The following ATG4C variants were observed in gnomAD, a reference collection of about 807,000 sequenced individuals.
ATG4C encodes the protein cysteine protease ATG4C.
ATG4C carries 56 observed loss-of-function variants against 57.6 expected under a neutral mutation model. The observed-to-expected ratio is 0.97, with a 90% confidence interval of 0.78 to 1.21. The LOEUF (loss-of-function observed/expected upper bound fraction) is 1.21. Among genes scored for constraint, ATG4C ranks in the 50% most tolerant of loss-of-function variants. The pLI is 0.00. For synonymous variants in ATG4C, 157 were observed against 174.1 expected (o/e 0.90, Z 0.78); for missense variants, 595 against 529.8 (o/e 1.12, Z -1.21).
At chr1:62,828,279 T>C (rs12085401) in intron 6 of ATG4C, among the ~76,000 whole-genome samples, 28,317 of 152,094 alleles carry the variant, frequency 0.19, 3,004 homozygotes, top group African/African-American at 0.27. Flanking sequence ...GGTGTATGAG[T>C]ATTCCCTTTT....
chr1:62,806,738 T>C (rs941507386), intron 3 of ATG4C, among the ~76,000 whole-genome samples: 42 of 152,156 alleles, frequency 2.8e-4, no homozygotes, highest in African/African-American at 9.9e-4. Flanking sequence ...TTATTGTCCC[T>C]GATCTTCAGT....
At chr1:62,824,669 CTTTT>C (rs397862637) in intron 6 of ATG4C, among the ~76,000 whole-genome samples, 4 of 135,482 alleles carry the variant, frequency 3.0e-5, no homozygotes, top group Admixed American at 7.5e-5. Flanking sequence ...CTCTCTCTCT[CTTTT>C]TTTTTTTTTT....
chr1:62,803,148 AATTT>A (rs1664738652), intron 1 of ATG4C, among the ~76,000 whole-genome samples: 1 of 152,202 alleles, frequency 6.6e-6, no homozygotes, highest in Admixed American at 6.5e-5. Context: ...TTCCGTTATA[AATTT>A]AAGCCGTTCT....
Position 62,793,614 on chromosome 1 carries a change from A to AC in ATG4C, c.-69+9341_-69+9342insC, listed in dbSNP as rs1299432278. On this transcript the variant is annotated intron_variant, in intron 1 of 10. Coordinates refer to ENST00000317868, the MANE Select transcript of ATG4C (RefSeq NM_032852.4). ...CTTGTCTCGAAAAAAAAAAAAAAAA[A>AC]AAAAAACCAAAAAAACAAACAAAAA... 2.0e-5 allele frequency among the ~76,000 whole-genome samples: 3 copies of AC among 147,936 alleles called. No homozygotes were observed. In the Admixed American group the frequency reaches 2.1e-4, roughly 10 times the overall value.
intron 10 of ATG4C, among the ~76,000 whole-genome samples, chr1:62,843,203 C>G (rs1572160237): frequency 6.6e-6 from 1 of 151,574 alleles, no homozygotes; most frequent in African/African-American, 2.4e-5. Flanking sequence ...ATTAAAGACA[C>G]TTATGGCTTT....
intron 3 of ATG4C, among the ~76,000 whole-genome samples, chr1:62,810,284 C>T (rs1369629990): frequency 2.0e-5 from 3 of 152,196 alleles, no homozygotes; most frequent in East Asian, 3.8e-4. Flanking sequence ...AAGAAACTTA[C>T]AGTCCAACAG....
chr1:62,828,064 A>C (rs1665723683), intron 6 of ATG4C, among the ~76,000 whole-genome samples: 1 of 152,052 alleles, frequency 6.6e-6, no homozygotes, highest in Admixed American at 6.6e-5. Context: ...ATGGGCACTT[A>C]GGTTGATTCT....
intron 6 of ATG4C, among the ~76,000 whole-genome samples, chr1:62,823,262 G>A (rs775580747): frequency 6.6e-6 from 1 of 152,142 alleles, no homozygotes; most frequent in Admixed American, 6.5e-5. Context: ...AATTCAGCAC[G>A]TTTAAAAGTA....
chr1:62,802,436 C>T (rs564322698), intron 1 of ATG4C, among the ~76,000 whole-genome samples: 2 of 150,006 alleles, frequency 1.3e-5, no homozygotes, highest in South Asian at 4.2e-4. Context: ...TAACGATCCT[C>T]AACTAGTAAG....
Position 62,789,454 on chromosome 1 carries a change from C to T in ATG4C, c.-69+5181C>T, listed in dbSNP as rs72669548. ...AGCCTCACCTTGTAAATTTCCTGCT[C>T]AATACATGGAATCAGCCATTTTACC... On this transcript the variant is annotated intron_variant, in intron 1 of 10. Coordinates refer to ENST00000317868, the MANE Select transcript of ATG4C (RefSeq NM_032852.4). Among the ~76,000 whole-genome samples, 367 of 152,262 alleles carry T rather than the reference C, an allele frequency of 2.4e-3. 1 individual carries two copies. The highest frequency in any genetic ancestry group is 3.5e-3 in the South Asian group (17 of 4,828).
At chr1:62,801,049 G>A (rs10493328) in intron 1 of ATG4C, among the ~76,000 whole-genome samples, 22,032 of 152,136 alleles carry the variant, frequency 0.14, 1,691 homozygotes, top group South Asian at 0.2. Context: ...TGAGGTACCA[G>A]ATAACATACC....
chr1:62,802,355 ACC>A (rs1190715944), intron 1 of ATG4C, among the ~76,000 whole-genome samples: 1 of 151,968 alleles, frequency 6.6e-6, no homozygotes. Context: ...AGGATCTGTA[ACC>A]TCTTGAGTGC....
intron 10 of ATG4C, among the ~76,000 whole-genome samples, chr1:62,856,130 C>G (rs1428920320): frequency 6.6e-6 from 1 of 152,176 alleles, no homozygotes; most frequent in African/African-American, 2.4e-5. Flanking sequence ...CAGTGGTACA[C>G]AGTTTCCCAT....
chr1:62,789,845 T>A (rs1423079546), intron 1 of ATG4C, among the ~76,000 whole-genome samples: 1 of 151,566 alleles, frequency 6.6e-6, no homozygotes, highest in Non-Finnish European at 1.5e-5. Flanking sequence ...GAAATGAAGA[T>A]CTGGGTATTG....
intron 10 of ATG4C, among the ~76,000 whole-genome samples, chr1:62,860,326 TAAA>T: frequency 6.6e-6 from 1 of 152,332 alleles, no homozygotes; most frequent in South Asian, 2.1e-4. Context: ...TCTAAAATAA[TAAA>T]AAATTGTATA....
chr1:62,818,128 A>G (rs966307770), intron 4 of ATG4C, among the ~76,000 whole-genome samples: 6 of 152,162 alleles, frequency 3.9e-5, no homozygotes, highest in African/African-American at 1.2e-4. Flanking sequence ...TTGTTATTCA[A>G]AACAGTGACA....
intron 3 of ATG4C, among the ~76,000 whole-genome samples, chr1:62,808,066 G>A (rs545936984): frequency 1.3e-5 from 2 of 152,224 alleles, no homozygotes; most frequent in East Asian, 3.8e-4. Context: ...CAGTAGTGAA[G>A]TGTTGAACGT....
At chr1:62,788,890 A>G (rs531585775) in intron 1 of ATG4C, among the ~76,000 whole-genome samples, 1 of 147,526 alleles carries the variant, frequency 6.8e-6, no homozygotes, top group Non-Finnish European at 1.5e-5. Context: ...TCTTTTTTTT[A>G]CTATTACATG....
At chr1:62,791,967 G>A (rs1664288523) in intron 1 of ATG4C, among the ~76,000 whole-genome samples, 3 of 151,802 alleles carry the variant, frequency 2.0e-5, no homozygotes, top group Admixed American at 1.3e-4. Context: ...GATGTTGCTC[G>A]GTCTACCATG....
Sources: allele counts gnomAD v4.1 joint callset (sites outside exome capture counted in the v4.1 genomes callset), GRCh38; gene constraint gnomAD v4.1.1; transcripts MANE v1.5; gene names NCBI Gene and HGNC (gene_info 2026-07-23, HGNC 2026-07-21).